The following PACRGL variants were observed in gnomAD, a reference collection of about 807,000 sequenced individuals.
The protein encoded by PACRGL is PACRG-like protein.
Under a neutral mutation model 34.5 loss-of-function variants are expected in PACRGL, and 38 were observed. The observed-to-expected ratio is 1.10, with a 90% CI of 0.85 to 1.44. The LOEUF (loss-of-function observed/expected upper bound fraction) is 1.44, where lower values mean the gene tolerates loss of function less well. PACRGL is among the 40% of genes most tolerant of loss of function. PACRGL has a pLI of 0.00. For synonymous variants in PACRGL, 128 were observed against 100.1 expected (o/e 1.28, Z -1.66); for missense variants, 305 against 281.4 (o/e 1.08, Z -0.60).
intron 3 of PACRGL, among the ~76,000 whole-genome samples, chr4:20,706,439 A>G (rs1734492438): frequency 6.6e-6 from 1 of 152,170 alleles, no homozygotes; most frequent in African/African-American, 2.4e-5. Context: ...TTTTCAAACA[A>G]CTTTCTTATC....
In PACRGL at chr4:20,729,880, C is replaced by T; in HGVS notation, c.*2539C>T. 4.1e-6 allele frequency: 2 copies of T among 485,692 alleles called. No individual in the cohort carries two copies. Among genetic ancestry groups the T allele is most frequent in the Non-Finnish European group, 7.1e-6 (2 of 282,494 alleles). The allele number at this position is 485,692 out of a possible 1,614,324, so 30.1% of individuals were successfully genotyped here. ...GAAATGAGTTAGACCATCCCCTGAACTCAGTGGCATTATGAAAAGGATGCA... is the reference window on the plus strand; with the variant it reads ...GAAATGAGTTAGACCATCCCCTGAATTCAGTGGCATTATGAAAAGGATGCA... On this transcript the variant is annotated 3_prime_UTR_variant, in exon 9 of 9. Coordinates refer to ENST00000503585, the MANE Select transcript of PACRGL (RefSeq NM_001258345.3).
chr4:20,747,209 A>G (rs1264489879), intron 8 of PACRGL, among the ~76,000 whole-genome samples: 1 of 152,196 alleles, frequency 6.6e-6, no homozygotes, highest in Admixed American at 6.5e-5. Context: ...TACTAAATTT[A>G]CATATAAAAT....
At chr4:20,738,982 G>A (rs1357904349) in intron 8 of PACRGL, among the ~76,000 whole-genome samples, 1 of 152,170 alleles carries the variant, frequency 6.6e-6, no homozygotes, top group Non-Finnish European at 1.5e-5. Context: ...ACAGAGCCTT[G>A]CTCACTGCTA....
downstream of PACRGL, among the ~76,000 whole-genome samples, chr4:20,755,937 G>A (rs1754388093): frequency 6.6e-6 from 1 of 152,062 alleles, no homozygotes. Context: ...AGGGACAAGA[G>A]ACAGTAGCCA....
intron 4 of PACRGL, among the ~76,000 whole-genome samples, chr4:20,708,310 T>A (rs1383283497): frequency 2.0e-5 from 3 of 149,822 alleles, no homozygotes; most frequent in Non-Finnish European, 4.5e-5. Flanking sequence ...GTCAGAACTT[T>A]AAAAAAAAAA....
chr4:20,757,144 A>G (rs1408327388), downstream of PACRGL, among the ~76,000 whole-genome samples: 2 of 152,128 alleles, frequency 1.3e-5, no homozygotes, highest in Non-Finnish European at 2.9e-5. Context: ...GGAATCCTGG[A>G]AGGTATCACA....
chr4:20,725,149 G>T (rs6447973), intron 8 of PACRGL, among the ~76,000 whole-genome samples: 3 of 151,892 alleles, frequency 2.0e-5, no homozygotes, highest in East Asian at 3.9e-4. Flanking sequence ...GTGGCACTCA[G>T]TGTGGCGCAG....
At chr4:20,734,805 G>T (rs192139659), downstream of PACRGL, 3 of 685,738 alleles carry the variant, frequency 4.4e-6, no homozygotes, top group Non-Finnish European at 4.7e-6. Flanking sequence ...AACAAATGAT[G>T]TAAGTAAGGG....
At chr4:20,764,271 G>A in the PACRGL span, among the ~76,000 whole-genome samples, 39 of 152,176 alleles carry the variant, frequency 2.6e-4, no homozygotes, top group Non-Finnish European at 4.6e-4. Context: ...CATATATACC[G>A]TAGAAATAAA....
At chr4:20,765,986 T>C in the PACRGL span, among the ~76,000 whole-genome samples, 5 of 152,198 alleles carry the variant, frequency 3.3e-5, no homozygotes, top group African/African-American at 1.2e-4. Context: ...ACTATTGTAA[T>C]AATCAGCATA....
intron 8 of PACRGL, among the ~76,000 whole-genome samples, chr4:20,738,760 C>T (rs1184765884): frequency 6.6e-6 from 1 of 151,822 alleles, no homozygotes; most frequent in African/African-American, 2.4e-5. Context: ...TGGATGCAGC[C>T]CACAGAGTGT....
chr4:20,760,537 T>C, the PACRGL span, among the ~76,000 whole-genome samples: 14 of 152,200 alleles, frequency 9.2e-5, no homozygotes, highest in African/African-American at 3.4e-4. Flanking sequence ...GTAGGACCTT[T>C]GATACATAAA....
chr4:20,758,942 T>C, the PACRGL span: 2 of 1,434,140 alleles, frequency 1.4e-6, no homozygotes, highest in Non-Finnish European at 2.0e-6. Flanking sequence ...TAAAACTGAA[T>C]TTTTTTTGCA....
intron 8 of PACRGL, among the ~76,000 whole-genome samples, chr4:20,747,856 T>C (rs574443439): frequency 6.2e-4 from 95 of 152,168 alleles, no homozygotes; most frequent in Non-Finnish European, 1.2e-3. Flanking sequence ...CTGCACCCTA[T>C]TTTTTTCATC....
intron 7 of PACRGL, among the ~76,000 whole-genome samples, chr4:20,714,465 G>A (rs531321136): frequency 1.3e-5 from 2 of 152,214 alleles, no homozygotes; most frequent in East Asian, 3.9e-4. Context: ...ATGCCAGTCT[G>A]TGTCTTTTAA....
downstream of PACRGL, among the ~76,000 whole-genome samples, chr4:20,753,980 A>G (rs1754085278): frequency 6.6e-6 from 1 of 152,180 alleles, no homozygotes; most frequent in Non-Finnish European, 1.5e-5. Context: ...ACATAAGTGC[A>G]TTCCTACAAC....
At chr4:20,723,484 G>A (rs1384354924) in intron 7 of PACRGL, among the ~76,000 whole-genome samples, 1 of 151,664 alleles carries the variant, frequency 6.6e-6, no homozygotes, top group Non-Finnish European at 1.5e-5. Context: ...AAGCAGCAAG[G>A]ACATCTGCTG....
downstream of PACRGL, among the ~76,000 whole-genome samples, chr4:20,756,418 A>C (rs1238891652): frequency 6.6e-6 from 1 of 151,966 alleles, no homozygotes; most frequent in African/African-American, 2.4e-5. Flanking sequence ...TTCTATCCTA[A>C]AGCTATTAAC....
intron 3 of PACRGL, among the ~76,000 whole-genome samples, chr4:20,705,666 C>T (rs776534847): frequency 1.4e-4 from 22 of 151,904 alleles, no homozygotes; most frequent in Admixed American, 2.0e-4. Context: ...TTTACGGTGA[C>T]GCTTCAATTT....
Sources: gnomAD v4.1 joint callset for allele counts (sites outside exome capture counted in the v4.1 genomes callset) on GRCh38, gnomAD v4.1.1 for gene constraint, MANE v1.5 for transcripts, NCBI Gene and HGNC (gene_info 2026-07-23, HGNC 2026-07-21) for gene names.